The following DENND6A variants were observed in gnomAD, a reference collection of about 807,000 sequenced individuals.
The protein encoded by DENND6A is DENN domain containing 6A, also known as protein DENND6A.
Under a neutral mutation model 95.5 loss-of-function variants are expected in DENND6A, and 43 were observed. The observed-to-expected ratio is 0.45, with a 90% CI of 0.35 to 0.58. The LOEUF (loss-of-function observed/expected upper bound fraction) is 0.58. Among genes scored for constraint, DENND6A ranks in the 20% least tolerant of loss-of-function variants. DENND6A has a pLI of 0.00. For missense variants in DENND6A, 574 were observed against 736.0 expected, an observed-to-expected ratio of 0.78 and a Z score of 2.55; for synonymous variants, 257 against 260.4, an observed-to-expected ratio of 0.99 and a Z score of 0.13.
chr3:57,653,744 T>TAAAAA (rs553856616), intron 9 of DENND6A, among the ~76,000 whole-genome samples: 1 of 84,718 alleles, frequency 1.2e-5, no homozygotes, highest in Non-Finnish European at 2.3e-5. Context: ...AGACTCCATC[T>TAAAAA]AAAAAAAAAA....
intron 1 of DENND6A, chr3:57,679,563 G>T: frequency 2.0e-6 from 2 of 985,430 alleles, no homozygotes; most frequent in Non-Finnish European, 2.4e-6. Context: ...AGGATGGAAA[G>T]TACAGTACTG....
intron 1 of DENND6A, among the ~76,000 whole-genome samples, chr3:57,679,308 T>A (rs2077139129): frequency 6.6e-6 from 1 of 152,274 alleles, no homozygotes; most frequent in African/African-American, 2.4e-5. Context: ...TATTCCCACC[T>A]GCCCTCACAG....
In DENND6A at chr3:57,682,213, G is replaced by A. The variant is rs146025078; in HGVS notation, c.238-9775C>T. ...GGAGAATCGCTTGAACCCGGCAGGC[G>A]GAGGTTTTGGTGAGCCAAGATTGCA... is the stretch of plus-strand genomic sequence containing the variant. On this transcript the variant is annotated intron_variant, in intron 1 of 19. Transcript: ENST00000311128. Among the ~76,000 whole-genome samples the A allele has an allele frequency of 9.6e-4, 143 of 149,036 alleles. 1 individual carries two copies. The highest frequency in any genetic ancestry group is 3.4e-3 in the African/African-American group (135 of 40,146).
chr3:57,652,953 A>G (rs1422333595), intron 9 of DENND6A, among the ~76,000 whole-genome samples: 1 of 152,242 alleles, frequency 6.6e-6, no homozygotes, highest in Non-Finnish European at 1.5e-5. Flanking sequence ...ACATTATTGT[A>G]ACAACTGGTA....
At chr3:57,662,211 G>A (rs1332778562) in intron 5 of DENND6A, among the ~76,000 whole-genome samples, 9 of 34,086 alleles carry the variant, frequency 2.6e-4, no homozygotes, top group African/African-American at 7.9e-5. Context: ...TTTTTTTTGA[G>A]ACAAGGTCTC....
chr3:57,690,153 T>G (rs1205102910), intron 1 of DENND6A, among the ~76,000 whole-genome samples: 1 of 149,670 alleles, frequency 6.7e-6, no homozygotes, highest in East Asian at 2.0e-4. Context: ...AAGACCAGCC[T>G]GGCCAACATG....
intron 1 of DENND6A, among the ~76,000 whole-genome samples, chr3:57,686,587 G>A (rs2077213410): frequency 6.6e-6 from 1 of 152,022 alleles, no homozygotes; most frequent in African/African-American, 2.4e-5. Context: ...GTTACACTTT[G>A]GTAATTCTCA....
chr3:57,675,767 T>C (rs550931394), intron 1 of DENND6A, among the ~76,000 whole-genome samples: 45 of 152,316 alleles, frequency 3.0e-4, no homozygotes, highest in African/African-American at 9.4e-4. Context: ...CCTGACCTCC[T>C]TAGGAGATGA....
In DENND6A at chr3:57,675,313, T is replaced by C. The variant is rs150308680; in HGVS notation, c.238-2875A>G. 1.2e-3 allele frequency among the ~76,000 whole-genome samples: 180 copies of C among 152,354 alleles called. 3 individuals carry two copies. The highest frequency in any genetic ancestry group is 0.011 in the Admixed American group (165 of 15,298). ...TAAGTTATCAAGAACCATTTACCAA[T>C]TGACTAATAACTCAAAGCTTACTGA... On this transcript the variant is annotated intron_variant, in intron 1 of 19. Coordinates refer to ENST00000311128, the MANE Select transcript of DENND6A (RefSeq NM_152678.3).
At chr3:57,643,044 T>A in intron 11 of DENND6A, among the ~76,000 whole-genome samples, 1 of 147,596 alleles carries the variant, frequency 6.8e-6, no homozygotes. Context: ...CTGGAAGAAA[T>A]TTGGAAGTTA....
chr3:57,663,206 C>T (rs937520709), intron 5 of DENND6A, among the ~76,000 whole-genome samples: 1 of 147,876 alleles, frequency 6.8e-6, no homozygotes, highest in Admixed American at 6.8e-5. Context: ...GTAGCTCACA[C>T]CTGTAATTCC....
At chr3:57,638,557 C>A (rs892949901) in intron 12 of DENND6A, among the ~76,000 whole-genome samples, 45 of 151,990 alleles carry the variant, frequency 3.0e-4, no homozygotes, top group African/African-American at 1.0e-3. Context: ...ACTCGGGGAG[C>A]TAAGGCAGGA....
At chr3:57,641,249 T>C (rs2070925418) in intron 12 of DENND6A, among the ~76,000 whole-genome samples, 1 of 143,940 alleles carries the variant, frequency 6.9e-6, no homozygotes, top group Admixed American at 7.2e-5. Flanking sequence ...ATATATATTA[T>C]ATATTTATAT....
intron 12 of DENND6A, among the ~76,000 whole-genome samples, chr3:57,638,943 A>T (rs1400847746): frequency 6.6e-6 from 1 of 152,018 alleles, no homozygotes; most frequent in African/African-American, 2.4e-5. Flanking sequence ...CAGAAAAAAT[A>T]AAAAATTAGC....
intron 8 of DENND6A, among the ~76,000 whole-genome samples, chr3:57,658,328 AG>A (rs2071365487): frequency 6.6e-6 from 1 of 152,122 alleles, no homozygotes; most frequent in Non-Finnish European, 1.5e-5. Flanking sequence ...CAGGAGTTCG[AG>A]ACCAGCCTGG....
intron 3 of DENND6A, among the ~76,000 whole-genome samples, chr3:57,667,418 A>C (rs954746088): frequency 5.9e-5 from 9 of 152,260 alleles, no homozygotes; most frequent in African/African-American, 2.2e-4. Flanking sequence ...CAGCCTCCCA[A>C]AGTGCTGGGA....
At chr3:57,632,021 C>CTTTTTTTT (rs771800755) in intron 15 of DENND6A, among the ~76,000 whole-genome samples, 1 of 96,026 alleles carries the variant, frequency 1.0e-5, no homozygotes, top group African/African-American at 4.1e-5. Flanking sequence ...CGCGCCCGGC[C>CTTTTTTTT]TTTTTTTTTT....
At chr3:57,634,066 T>C (rs1450679168) in intron 14 of DENND6A, among the ~76,000 whole-genome samples, 2 of 152,150 alleles carry the variant, frequency 1.3e-5, no homozygotes, top group Admixed American at 6.6e-5. Flanking sequence ...CACTCATGTG[T>C]AGCTACAGCC....
intron 15 of DENND6A, 128 bp from the exon 16 acceptor site, chr3:57,631,106 C>T: frequency 1.4e-6 from 1 of 733,484 alleles, no homozygotes; most frequent in African/African-American, 1.8e-5. Context: ...AACTCCATCA[C>T]TCCCCACAAG....
Sources: gnomAD v4.1 joint callset for allele counts (sites outside exome capture counted in the v4.1 genomes callset) on GRCh38, gnomAD v4.1.1 for gene constraint, MANE v1.5 for transcripts, NCBI Gene and HGNC (gene_info 2026-07-23, HGNC 2026-07-21) for gene names.